The following SPECC1 variants were observed in gnomAD, a reference collection of about 807,000 sequenced individuals.
SPECC1 encodes the protein cytospin-B.
A neutral mutation model predicts 104.1 loss-of-function variants in SPECC1; 62 were observed. The ratio of observed to expected loss-of-function variants is 0.60; its 90% confidence interval spans 0.49 to 0.74. The LOEUF is 0.74. Ranked by LOEUF, SPECC1 falls within the 30% of genes least tolerant of loss-of-function variation. The pLI is 0.00. For synonymous variants in SPECC1, 513 were observed against 501.6 expected (o/e 1.02, Z -0.30); for missense variants, 1,306 against 1,310.5 (o/e 1.00, Z 0.05).
At chr17:20,049,895 G>T (rs563828464) in intron 1 of SPECC1, among the ~76,000 whole-genome samples, 1 of 151,702 alleles carries the variant, frequency 6.6e-6, no homozygotes, top group Non-Finnish European at 1.5e-5. Flanking sequence ...TCAGCTCACC[G>T]CAACCTGTGC....
Position 20,270,810 on chromosome 17 carries a change from T to C in SPECC1, c.2940+10516T>C, listed in dbSNP as rs546846702. Among the ~76,000 whole-genome samples the C allele has an allele frequency of 5.3e-5, 8 of 152,334 alleles. No homozygotes were observed. The South Asian group carries it at 1.7e-3, about 32-fold the overall frequency. ...ATTCTCAAATTGCCTTCATTAAGGTTATTTAGTTTACACTTCTCTATACAG... is the reference window on the plus strand; with the variant it reads ...ATTCTCAAATTGCCTTCATTAAGGTCATTTAGTTTACACTTCTCTATACAG... On this transcript the variant is annotated intron_variant, in intron 12 of 14. Transcript: ENST00000395527.
intron 12 of SPECC1, among the ~76,000 whole-genome samples, chr17:20,292,400 A>G (rs1311738123): frequency 3.3e-5 from 5 of 151,712 alleles, no homozygotes; most frequent in Admixed American, 6.6e-5. Context: ...GCGCTATCTC[A>G]GCTGACTGCA....
intron 12 of SPECC1, among the ~76,000 whole-genome samples, chr17:20,288,093 T>G (rs2041020180): frequency 6.6e-6 from 1 of 152,196 alleles, no homozygotes; most frequent in African/African-American, 2.4e-5. Flanking sequence ...GAAAGGGGCT[T>G]CCAGCTCCAT....
At chr17:20,291,406 G>A (rs998205756) in intron 12 of SPECC1, among the ~76,000 whole-genome samples, 3 of 152,198 alleles carry the variant, frequency 2.0e-5, no homozygotes, top group Non-Finnish European at 4.4e-5. Context: ...TGACTCTGGC[G>A]CTAGAAATAT....
chr17:20,281,293 G>A (rs2151671068), intron 12 of SPECC1, among the ~76,000 whole-genome samples: 1 of 152,262 alleles, frequency 6.6e-6, no homozygotes, highest in East Asian at 1.9e-4. Context: ...TACTATAAAA[G>A]AAAGAAAGAA....
intron 1 of SPECC1, among the ~76,000 whole-genome samples, chr17:20,021,487 T>C (rs1453988537): frequency 6.6e-6 from 1 of 151,904 alleles, no homozygotes; most frequent in African/African-American, 2.4e-5. Flanking sequence ...ATGAGCCTCG[T>C]ACATGTCTCC....
At chr17:20,080,410 A>C (rs1159666361) in intron 1 of SPECC1, among the ~76,000 whole-genome samples, 1 of 152,148 alleles carries the variant, frequency 6.6e-6, no homozygotes, top group Non-Finnish European at 1.5e-5. Context: ...ATAAGCCAGC[A>C]ACACATTACA....
rs1015143491 is a variant in SPECC1 at position 20,315,606 on chromosome 17, A to G, written c.*1541A>G. ...GAGAATGACAGTGACTGCCATTACT[A>G]TTCAAAGTACATCTCTGATTGCTGA... On this transcript the variant is annotated 3_prime_UTR_variant, in exon 15 of 15. Coordinates refer to ENST00000395527, the MANE Select transcript of SPECC1 (RefSeq NM_001243439.2). 1.3e-5 allele frequency: 3 copies of G among 231,390 alleles called. No homozygotes were observed. Among genetic ancestry groups the G allele is most frequent in the African/African-American group, 6.7e-5 (3 of 44,820 alleles). 14.3% of individuals were successfully genotyped at this position (231,390 alleles called of 1,614,324 possible). A position where few individuals can be genotyped will look rare whatever the true frequency, so the allele number is the denominator to read the frequency against.
At chr17:20,182,120 T>TTTTTTTG (rs1244441219) in intron 3 of SPECC1, among the ~76,000 whole-genome samples, 1 of 12,720 alleles carries the variant, frequency 7.9e-5, no homozygotes, top group African/African-American at 2.3e-3. Context: ...TTTCTTTTTC[T>TTTTTTTG]TTTTTTTTTG....
chr17:20,110,427 C>T lies in SPECC1; in HGVS notation c.148C>T (p.Leu50Phe), dbSNP rs1223479510. 6.2e-7 allele frequency: 1 copy of T among 1,610,264 alleles called. No individual in the cohort carries two copies. Among genetic ancestry groups the T allele is most frequent in the East Asian group, 2.2e-5 (1 of 44,734 alleles). ...SLAFESRLSR[L>F]KRASSEDTLN... ...CTCTCTTTCCTTCCAACTCTCTCAG[C>T]TCAAGAGGGCCAGCAGTGAGGACAC... Residue 50 changes from leucine to phenylalanine, a missense_variant and splice_region_variant, in exon 3 of 15, where the codon CTC (leucine) becomes TTC (phenylalanine). Coordinates refer to ENST00000395527, the MANE Select transcript of SPECC1 (RefSeq NM_001243439.2).
At chr17:20,089,534 G>A (rs1465641747) in intron 1 of SPECC1, among the ~76,000 whole-genome samples, 1 of 152,146 alleles carries the variant, frequency 6.6e-6, no homozygotes, top group Non-Finnish European at 1.5e-5. Context: ...GCTGAGGCAG[G>A]AGGATCCCTT....
At chr17:20,021,609 G>A (rs1047025966) in intron 1 of SPECC1, among the ~76,000 whole-genome samples, 2 of 150,548 alleles carry the variant, frequency 1.3e-5, no homozygotes, top group African/African-American at 4.9e-5. Flanking sequence ...GCTGTCAAGG[G>A]TGGCTGCACC....
chr17:20,098,586 C>T (rs1210400438), intron 2 of SPECC1, among the ~76,000 whole-genome samples: 1 of 152,214 alleles, frequency 6.6e-6, no homozygotes, highest in Non-Finnish European at 1.5e-5. Flanking sequence ...TCCTCTGTGC[C>T]CTGGCTCCTG....
At chr17:20,039,056 C>T (rs1325395340) in intron 1 of SPECC1, among the ~76,000 whole-genome samples, 1 of 152,142 alleles carries the variant, frequency 6.6e-6, no homozygotes, top group Non-Finnish European at 1.5e-5. Context: ...GGAACATTTT[C>T]ATTATCCCAA....
intron 1 of SPECC1, among the ~76,000 whole-genome samples, chr17:20,070,589 G>A (rs371365088): frequency 6.6e-6 from 1 of 151,924 alleles, no homozygotes; most frequent in Admixed American, 6.6e-5. Context: ...GGCTGCATAA[G>A]GCTTAATTAT....
intron 3 of SPECC1, among the ~76,000 whole-genome samples, chr17:20,195,396 A>G (rs1000070621): frequency 2.0e-5 from 3 of 152,214 alleles, no homozygotes; most frequent in Non-Finnish European, 4.4e-5. Flanking sequence ...TTAGAATTAT[A>G]GGAGTTTCCC....
chr17:20,086,942 G>A (rs749155634), intron 1 of SPECC1: 4 of 152,168 alleles, frequency 2.6e-5, no homozygotes, highest in African/African-American at 4.8e-5. Context: ...CCTGCCTGTT[G>A]CCTGGGAAGC....
At chr17:20,040,987 C>T (rs1279129217) in intron 1 of SPECC1, among the ~76,000 whole-genome samples, 2 of 151,988 alleles carry the variant, frequency 1.3e-5, no homozygotes, top group East Asian at 3.9e-4. Flanking sequence ...TTGAGACTTT[C>T]TCCCTCACTC....
At chr17:20,261,534 C>T (rs2040025942) in intron 12 of SPECC1, among the ~76,000 whole-genome samples, 1 of 149,456 alleles carries the variant, frequency 6.7e-6, no homozygotes, top group Non-Finnish European at 1.5e-5. Flanking sequence ...CAGACACAAG[C>T]TCCCCGAGCA....
Sources: gnomAD v4.1 joint callset for allele counts (sites outside exome capture counted in the v4.1 genomes callset) on GRCh38, gnomAD v4.1.1 for gene constraint, MANE v1.5 for transcripts, NCBI Gene and HGNC (gene_info 2026-07-23, HGNC 2026-07-21) for gene names.